Variants in ZNF721 observed in about 807,000 individuals in gnomAD.
ZNF721 encodes the protein zinc finger protein 721.
Under a neutral mutation model 2.4 loss-of-function variants are expected in ZNF721, and 2 were observed. The observed-to-expected ratio is 0.82, with a 90% CI of 0.34 to 2.58. ZNF721 has a LOEUF of 2.58. Ranked by LOEUF, ZNF721 falls within the 30% of genes most tolerant of loss-of-function variation. ZNF721 has a pLI of 0.11. For missense variants in ZNF721, 1,187 were observed against 1,085.5 expected (o/e 1.09, Z -1.31); for synonymous variants, 398 against 381.8 (o/e 1.04, Z -0.50).
At chr4:463,409 T>C (rs1239258430) in intron 2 of ZNF721, among the ~76,000 whole-genome samples, 1 of 152,202 alleles carries the variant, frequency 6.6e-6, no homozygotes, top group Non-Finnish European at 1.5e-5. Context: ...TTACTGGATA[T>C]ATACCCAAAG....
chr4:475,429 ATCTC>A (rs1324231145), intron 1 of ZNF721, among the ~76,000 whole-genome samples: 101 of 151,642 alleles, frequency 6.7e-4, no homozygotes, highest in African/African-American at 2.3e-3. Context: ...CTGAGTATTG[ATCTC>A]TCTCTCTAAT....
chr4:444,407 G>A lies in ZNF721; in HGVS notation c.60C>T (p.Asp20=), dbSNP rs377762328. The change falls in exon 3 of 3, where the codon GAC becomes GAT. Residue 20 remains aspartate, a synonymous_variant. Transcript: ENST00000511833. ...CTTCTATCCCCTGCACTGGCAAAAA[G>A]TCTTGGGTGAAATGAGAACACATAG... ...SLAMCSHFTQ[D]FLPVQGIEDS... 1.0e-5 allele frequency: 16 copies of A among 1,588,390 alleles called. No homozygotes were observed. The African/African-American group carries it at 2.0e-4, about 20-fold the overall frequency.
chr4:462,312 G>GA (rs781842891), intron 2 of ZNF721, among the ~76,000 whole-genome samples: 103 of 152,252 alleles, frequency 6.8e-4, no homozygotes, highest in Admixed American at 2.5e-3. Flanking sequence ...CAATTATCAT[G>GA]AAATGGCCAT....
intron 1 of ZNF721, among the ~76,000 whole-genome samples, chr4:475,437 C>T (rs1165247193): frequency 2.0e-5 from 3 of 152,108 alleles, no homozygotes; most frequent in African/African-American, 7.2e-5. Flanking sequence ...TGATCTCTCT[C>T]TCTAATACTC....
chr4:446,022 GAAGAAAAAGTA>G (rs1714461493), intron 2 of ZNF721, among the ~76,000 whole-genome samples: 1 of 152,106 alleles, frequency 6.6e-6, no homozygotes, highest in Non-Finnish European at 1.5e-5. Context: ...TCCTAAAAAT[GAAGAAAAAGTA>G]AAGACCTTTC....
At chr4:473,163 CTG>C (rs1715492557) in intron 1 of ZNF721, among the ~76,000 whole-genome samples, 1 of 152,146 alleles carries the variant, frequency 6.6e-6, no homozygotes. Context: ...TAGCTAAGCA[CTG>C]TCTCTCAAGC....
intron 1 of ZNF721, among the ~76,000 whole-genome samples, chr4:491,642 C>G (rs28668311): frequency 6.6e-6 from 1 of 152,092 alleles, no homozygotes; most frequent in Non-Finnish European, 1.5e-5. Flanking sequence ...ACACAAAATT[C>G]CAGACAAGAC....
chr4:495,497 G>T (rs1429788139), intron 1 of ZNF721, among the ~76,000 whole-genome samples: 5 of 147,546 alleles, frequency 3.4e-5, no homozygotes, highest in Admixed American at 2.7e-4. Context: ...ATCAGGGGTA[G>T]CTTTGCCACA....
chr4:496,554 G>A (rs187815638), intron 1 of ZNF721, among the ~76,000 whole-genome samples: 2 of 151,990 alleles, frequency 1.3e-5, no homozygotes, highest in South Asian at 2.1e-4. Flanking sequence ...TCTTCAGAGG[G>A]GAAGATTCTA....
chr4:462,158 G>C (rs1553866186), intron 2 of ZNF721, among the ~76,000 whole-genome samples: 1 of 152,090 alleles, frequency 6.6e-6, no homozygotes, highest in Non-Finnish European at 1.5e-5. Flanking sequence ...ATTCACAACT[G>C]CTACAAAAAG....
At chr4:484,169 A>G (rs1715836491) in intron 1 of ZNF721, among the ~76,000 whole-genome samples, 1 of 152,204 alleles carries the variant, frequency 6.6e-6, no homozygotes, top group South Asian at 2.1e-4. Context: ...TGCAATCTCT[A>G]AACATAAATT....
chr4:475,053 G>C (rs1456004823), intron 1 of ZNF721, among the ~76,000 whole-genome samples: 1 of 151,964 alleles, frequency 6.6e-6, no homozygotes, highest in Non-Finnish European at 1.5e-5. Context: ...CGGGCGTGGT[G>C]GGGGGCGCCT....
chr4:454,027 T>C (rs1279028918), intron 2 of ZNF721: 3 of 152,154 alleles, frequency 2.0e-5, no homozygotes, highest in African/African-American at 7.2e-5. Context: ...TCCTCTGGGT[T>C]TCTCCCACCA....
intron 2 of ZNF721, chr4:453,512 T>C (rs1576956993): frequency 6.6e-6 from 1 of 152,168 alleles, no homozygotes; most frequent in African/African-American, 2.4e-5. Flanking sequence ...ACTGCAAACT[T>C]GAATGTGGAT....
In ZNF721 at chr4:459,471, CA is replaced by C. The variant is rs372562598; in HGVS notation, c.34+13103del. ...GAATATTTACCAAGCAAATGGAAAGCAAAAAAAAAAGCAGCAGTTGCAATCC... is the reference window on the plus strand; with the variant it reads ...GAATATTTACCAAGCAAATGGAAAGCAAAAAAAAAGCAGCAGTTGCAATCC... On this transcript the variant is annotated intron_variant, in intron 2 of 2. Transcript: ENST00000511833. Among the ~76,000 whole-genome samples the C allele has an allele frequency of 7.9e-3, 1,121 of 142,692 alleles. 10 individuals are homozygous for C. Among genetic ancestry groups the C allele is most frequent in the Middle Eastern group, 0.073 (21 of 288 alleles). The allele number at this position is 142,692 out of a possible 152,430, so 93.6% of individuals were successfully genotyped here.
chr4:461,152 A>G (rs1217896978), intron 2 of ZNF721, among the ~76,000 whole-genome samples: 3 of 152,184 alleles, frequency 2.0e-5, no homozygotes, highest in Non-Finnish European at 4.4e-5. Context: ...AACAAAAGAA[A>G]AAATTTCAGG....
chr4:442,788 T>C lies in ZNF721; in HGVS notation c.1679A>G (p.Glu560Gly), dbSNP rs187291302. 1.5e-5 allele frequency: 24 copies of C among 1,613,844 alleles called. No individual in the cohort carries two copies. The Middle Eastern group carries it at 5.0e-4, about 33-fold the overall frequency. The change falls in exon 3 of 3, where the codon GAA becomes GGA. Residue 560 changes from glutamate (E) to glycine (G), a missense_variant. By Grantham distance (98) the Glu-to-Gly change is moderately conservative (BLOSUM62 -2). Transcript: ENST00000511833. ...CTGTCTAAAGGTTTTGCCACATTCT[T>C]CACATGTGTAGGGTTTCTCTCCAGT... is the stretch of plus-strand genomic sequence containing the variant. ...IHTGEKPYTC[E>G]ECGKTFRQSA...
chr4:486,688 A>G (rs1388308541), intron 1 of ZNF721, among the ~76,000 whole-genome samples: 4 of 152,268 alleles, frequency 2.6e-5, no homozygotes, highest in Admixed American at 6.5e-5. Context: ...AATAGTCAAC[A>G]AATACAAAAA....
At chr4:456,059 T>TTTAC (rs1353206953) in intron 2 of ZNF721, among the ~76,000 whole-genome samples, 5 of 150,072 alleles carry the variant, frequency 3.3e-5, no homozygotes, top group African/African-American at 4.9e-5. Context: ...TTTTTATTTA[T>TTTAC]TTATTTATTT....
Sources: gnomAD v4.1 joint callset for allele counts (sites outside exome capture counted in the v4.1 genomes callset) on GRCh38, gnomAD v4.1.1 for gene constraint, MANE v1.5 for transcripts, NCBI Gene and HGNC (gene_info 2026-07-23, HGNC 2026-07-21) for gene names.